PJVK: variants seen among roughly 807,000 people sequenced by gnomAD.
PJVK encodes the protein pejvakin.
In PJVK, 33 loss-of-function variants were observed where a neutral mutation model predicts 37.6. That is an observed-to-expected ratio of 0.88 (90% CI 0.67 to 1.17). The LOEUF is 1.17. Ranked by LOEUF, PJVK falls within the 50% of genes most tolerant of loss-of-function variation. The pLI, the probability that PJVK is intolerant of heterozygous loss-of-function variation, is 0.00. For synonymous variants in PJVK, 141 were observed against 143.5 expected (o/e 0.98, Z 0.13); for missense variants, 410 against 413.8 (o/e 0.99, Z 0.08).
chr2:178,453,730 G>A (rs536854622), intron 2 of PJVK, 110 bp downstream of exon 2: 2 of 910,984 alleles, frequency 2.2e-6, no homozygotes, highest in Admixed American at 4.2e-5. Context: ...AATGATTAAA[G>A]CAACTTTTAT....
intron 6 of PJVK, 130 bp downstream of exon 6, chr2:178,460,576 C>T: frequency 1.2e-6 from 1 of 860,778 alleles, no homozygotes; most frequent in East Asian, 2.7e-5. Context: ...GGTATGGTGG[C>T]TCATGCCTAT....
At chr2:178,459,014 A>T (rs1317017032) in intron 5 of PJVK, among the ~76,000 whole-genome samples, 2 of 152,216 alleles carry the variant, frequency 1.3e-5, no homozygotes, top group Non-Finnish European at 2.9e-5. Flanking sequence ...AAGTGTTAGG[A>T]TGCCCAAACC....
Position 178,454,456 on chromosome 2 carries a change from G to T in PJVK, c.336G>T (p.Val112=). Residue 112 remains valine, a synonymous_variant, in exon 3 of 7, where the codon GTG becomes GTT. Transcript: ENST00000644580. ...INVAGSDSIA[V]KASFGIVTKH... is the part of the protein sequence containing the mutation. The stretch of plus-strand genomic sequence containing the variant: ...TTGCTGGATCAGATTCCATTGCAGT[G>T]AAAGCTTCATTTGGTATAGTAACCA... 1 of 1,613,936 alleles carries T rather than the reference G, an allele frequency of 6.2e-7. No homozygotes were observed. Among genetic ancestry groups the T allele is most frequent in the Non-Finnish European group, 8.5e-7 (1 of 1,179,968 alleles).
At chr2:178,458,844 G>A (rs760434475) in intron 5 of PJVK, among the ~76,000 whole-genome samples, 7 of 152,124 alleles carry the variant, frequency 4.6e-5, no homozygotes, top group Non-Finnish European at 7.4e-5. Context: ...GGTGAAGGTT[G>A]TAAACTCTCC....
chr2:178,458,557 T>G lies in PJVK; in HGVS notation c.597T>G (p.Ile199Met), dbSNP rs776993406. Residue 199 changes from isoleucine to methionine, a missense_variant, in exon 5 of 7, where the codon ATT (isoleucine) becomes ATG (methionine). Transcript: ENST00000644580. ...EQNPKGRDKAIVFPAHTTIAF... is the reference protein window; with the variant it reads ...EQNPKGRDKAMVFPAHTTIAF... ...ATCCCAAGGGAAGGGACAAAGCTAT[T>G]GTTTTCCCAGCACATACAACCATAG... 1 of 1,614,132 alleles carries G rather than the reference T, an allele frequency of 6.2e-7. No homozygotes were observed. The highest frequency in any genetic ancestry group is 8.5e-7 in the Non-Finnish European group (1 of 1,179,990).
chr2:178,454,446 C>G lies in PJVK; in HGVS notation c.326C>G (p.Ser109Cys). ...DVGINVAGSD[S>C]IAVKASFGIV... Reference sequence around the variant, plus strand: ...GGGATTAACGTTGCTGGATCAGATTCCATTGCAGTGAAAGCTTCATTTGGT... The same window carrying G: ...GGGATTAACGTTGCTGGATCAGATTGCATTGCAGTGAAAGCTTCATTTGGT... Residue 109 changes from serine (S) to cysteine (C), a missense_variant, in exon 3 of 7, where the codon TCC (serine) becomes TGC (cysteine). Transcript: ENST00000644580. The G allele has an allele frequency of 1.2e-6, 2 of 1,613,912 alleles. No homozygotes were observed. The highest frequency in any genetic ancestry group is 1.7e-6 in the Non-Finnish European group (2 of 1,179,968).
intron 3 of PJVK, among the ~76,000 whole-genome samples, chr2:178,455,643 T>TA (rs373644585): frequency 0.028 from 3,538 of 126,538 alleles, 55 homozygotes; most frequent in African/African-American, 0.045. Flanking sequence ...TTTGCCCAGC[T>TA]AAAAAAAAAA....
At chr2:178,457,932 G>A (rs1039174264) in intron 4 of PJVK, among the ~76,000 whole-genome samples, 9 of 152,218 alleles carry the variant, frequency 5.9e-5, no homozygotes, top group Admixed American at 1.3e-4. Context: ...TTGTCATTCA[G>A]TGACACCTAA....
At position 178,461,903 on chromosome 2, in the gene PJVK, T is replaced by G. The variant is rs1245568634; in HGVS notation, c.*629T>G. Among the ~76,000 whole-genome samples, 2 of 152,158 alleles carry G rather than the reference T, an allele frequency of 1.3e-5. No homozygotes were observed. Among genetic ancestry groups the G allele is most frequent in the African/African-American group, 4.8e-5 (2 of 41,426 alleles). Reference sequence around the variant, plus strand: ...TGGCCTAGATAACTTTTTATATAATTAAGAGATTTTTGTAAATACCAATTT... The same window carrying G: ...TGGCCTAGATAACTTTTTATATAATGAAGAGATTTTTGTAAATACCAATTT... On this transcript the variant is annotated 3_prime_UTR_variant, in exon 7 of 7. Transcript: ENST00000644580.
chr2:178,461,410 T>C lies in PJVK; in HGVS notation c.*136T>C. On this transcript the variant is annotated 3_prime_UTR_variant, in exon 7 of 7. Transcript: ENST00000644580. ...AAGAAATTAACCTGTCTGGGTATCA[T>C]ATTCCCTATCTATAAAGTAGCAATT... 1.1e-6 allele frequency: 1 copy of C among 911,700 alleles called. No individual in the cohort carries two copies. The highest frequency in any genetic ancestry group is 2.4e-5 in the Admixed American group (1 of 42,090). The allele number at this position is 911,700 out of a possible 1,614,324, so 56.5% of individuals were successfully genotyped here. A position where few individuals can be genotyped will look rare whatever the true frequency, so the allele number is the denominator to read the frequency against.
intron 3 of PJVK, 93 bp from the exon 4 acceptor site, chr2:178,455,917 C>A: frequency 7.1e-7 from 1 of 1,414,518 alleles, no homozygotes; most frequent in South Asian, 1.2e-5. Flanking sequence ...ATTAGGTGAA[C>A]TATGAATGAA....
intron 2 of PJVK, 181 bp downstream of exon 2, chr2:178,453,801 A>T (rs1697872348): frequency 1.8e-6 from 1 of 567,268 alleles, no homozygotes; most frequent in Non-Finnish European, 3.2e-6. Context: ...TATAATATCA[A>T]ATCTCTTATT....
chr2:178,451,795 T>C (rs942836688), intron 1 of PJVK, 26 bp downstream of exon 1: 2 of 985,268 alleles, frequency 2.0e-6, no homozygotes, highest in African/African-American at 3.5e-5. Context: ...CAAAACACGT[T>C]AGGAGTAAAC....
At chr2:178,456,321 AAAC>A (rs1259548328) in intron 4 of PJVK, 170 bp downstream of exon 4, 6 of 821,266 alleles carry the variant, frequency 7.3e-6, no homozygotes, top group African/African-American at 1.7e-5. Flanking sequence ...TGAAAAAAAA[AAAC>A]AAATCTTGGG....
chr2:178,461,417 T>G lies in PJVK; in HGVS notation c.*143T>G. The G allele has an allele frequency of 1.2e-6, 1 of 857,308 alleles. No homozygotes were observed. Among genetic ancestry groups the G allele is most frequent in the East Asian group, 2.6e-5 (1 of 38,174 alleles). The allele number at this position is 857,308 out of a possible 1,614,324, so 53.1% of individuals were successfully genotyped here. ...TAACCTGTCTGGGTATCATATTCCCTATCTATAAAGTAGCAATTATAACAG... is the reference window on the plus strand; with the variant it reads ...TAACCTGTCTGGGTATCATATTCCCGATCTATAAAGTAGCAATTATAACAG... On this transcript the variant is annotated 3_prime_UTR_variant, in exon 7 of 7. Transcript: ENST00000644580.
At chr2:178,454,292 A>G (rs1218758107) in intron 2 of PJVK, 40 bp from the exon 3 acceptor site, 2 of 1,538,616 alleles carry the variant, frequency 1.3e-6, no homozygotes, top group African/African-American at 1.4e-5. Context: ...TCTACATAAG[A>G]TAAAGATGTT....
intron 1 of PJVK, chr2:178,453,003 T>C (rs1373515913): frequency 4.2e-6 from 1 of 240,534 alleles, no homozygotes; most frequent in African/African-American, 2.3e-5. Flanking sequence ...TATCCGGGAC[T>C]ATCGTTAGTG....
intron 6 of PJVK, 45 bp downstream of exon 6, chr2:178,460,491 C>A: frequency 6.6e-7 from 1 of 1,510,112 alleles, no homozygotes. Flanking sequence ...TTTTTTCTTT[C>A]CTGGCTTAAC....
Position 178,454,670 on chromosome 2 carries a change from A to G in PJVK, c.407+143A>G, listed in dbSNP as rs1000389659. 5 of 1,418,156 alleles carry G rather than the reference A, an allele frequency of 3.5e-6. No individual in the cohort carries two copies. The African/African-American group carries it at 4.3e-5, about 12-fold the overall frequency. The allele number at this position is 1,418,156 out of a possible 1,614,324, so 87.8% of individuals were successfully genotyped here. The stretch of plus-strand genomic sequence containing the variant: ...GATATGTTTGAAATACATTGGTAGT[A>G]TATCCAAACTTTGAATAAGGATAGA... On this transcript the variant is annotated intron_variant, in intron 3 of 6. Transcript: ENST00000644580.
Sources: allele counts gnomAD v4.1 joint callset (sites outside exome capture counted in the v4.1 genomes callset), GRCh38; gene constraint gnomAD v4.1.1; transcripts MANE v1.5; gene names NCBI Gene and HGNC (gene_info 2026-07-23, HGNC 2026-07-21).